CLDN16: variants seen among roughly 807,000 people sequenced by gnomAD.
CLDN16 encodes claudin-16.
Under a neutral mutation model 24.6 loss-of-function variants are expected in CLDN16, and 13 were observed. That is an observed-to-expected ratio of 0.53 (90% CI 0.34 to 0.84). The LOEUF is 0.84. CLDN16 is among the 40% of genes least tolerant of loss of function. The probability of loss-of-function intolerance (pLI) is 0.01; values close to 1 mark genes in which losing one functional copy is unlikely to be tolerated. For missense variants in CLDN16, 298 were observed against 292.7 expected (o/e 1.02, Z -0.13); for synonymous variants, 116 against 106.7 (o/e 1.09, Z -0.54).
At chr3:190,294,372 G>T in the CLDN16 span, among the ~76,000 whole-genome samples, 1 of 152,088 alleles carries the variant, frequency 6.6e-6, no homozygotes, top group Non-Finnish European at 1.5e-5. Context: ...TCATACTTTT[G>T]GTTGAATGAG....
At chr3:190,379,620 A>G (rs1212669048) in intron 3 of CLDN16, among the ~76,000 whole-genome samples, 2 of 152,138 alleles carry the variant, frequency 1.3e-5, no homozygotes, top group African/African-American at 2.4e-5. Flanking sequence ...ATCTACAATG[A>G]TACATTCACT....
the CLDN16 span, chr3:190,307,341 G>T: frequency 6.6e-6 from 1 of 152,138 alleles, no homozygotes; most frequent in Admixed American, 6.5e-5. Flanking sequence ...GTAGTTTAGG[G>T]GGATATAAAA....
At chr3:190,310,288 C>A in the CLDN16 span, 2 of 1,524,828 alleles carry the variant, frequency 1.3e-6, no homozygotes, top group South Asian at 2.2e-5. Flanking sequence ...TGTTAATCAC[C>A]ATGGAACACT....
chr3:190,394,404 T>C (rs1434806916), intron 1 of CLDN16, among the ~76,000 whole-genome samples: 1 of 152,200 alleles, frequency 6.6e-6, no homozygotes, highest in African/African-American at 2.4e-5. Flanking sequence ...GTTGCTCACA[T>C]TAGTATTTAT....
At chr3:190,342,042 C>T (rs2108629953) in intron 1 of CLDN16, among the ~76,000 whole-genome samples, 1 of 152,288 alleles carries the variant, frequency 6.6e-6, no homozygotes, top group African/African-American at 2.4e-5. Flanking sequence ...TTTGGCAAAG[C>T]CATTCAAGAA....
At chr3:190,383,082 A>T (rs1488492011) in intron 3 of CLDN16, among the ~76,000 whole-genome samples, 2 of 152,130 alleles carry the variant, frequency 1.3e-5, no homozygotes. Flanking sequence ...AAAATGAAAC[A>T]AGAGACCTAT....
the CLDN16 span, chr3:190,307,450 A>C: frequency 1.9e-3 from 284 of 152,338 alleles, no homozygotes; most frequent in African/African-American, 6.7e-3. Flanking sequence ...TTTTCAAAGC[A>C]AACAAGAGTG....
At chr3:190,358,223 T>A (rs930192209) in intron 1 of CLDN16, among the ~76,000 whole-genome samples, 6 of 151,946 alleles carry the variant, frequency 3.9e-5, no homozygotes, top group African/African-American at 1.4e-4. Flanking sequence ...TCCCTCAAAT[T>A]TCTGTAAGCC....
intron 4 of CLDN16, among the ~76,000 whole-genome samples, chr3:190,409,381 A>T (rs1719211106): frequency 1.3e-5 from 2 of 151,868 alleles, no homozygotes; most frequent in African/African-American, 4.8e-5. Context: ...TTATACCTTT[A>T]TAATTGTATG....
At chr3:190,380,314 T>A (rs1718344069) in intron 3 of CLDN16, among the ~76,000 whole-genome samples, 1 of 151,586 alleles carries the variant, frequency 6.6e-6, no homozygotes, top group Non-Finnish European at 1.5e-5. Flanking sequence ...TCTAGAGGTA[T>A]CAAATATATA....
At chr3:190,321,243 T>C (rs1016919317), upstream of CLDN16, among the ~76,000 whole-genome samples, 2 of 152,212 alleles carry the variant, frequency 1.3e-5, no homozygotes, top group Admixed American at 6.5e-5. Context: ...GCAGGTTATT[T>C]AGAACCTTTC....
At chr3:190,371,711 T>C (rs1457448271) in intron 2 of CLDN16, among the ~76,000 whole-genome samples, 1 of 151,996 alleles carries the variant, frequency 6.6e-6, no homozygotes, top group Non-Finnish European at 1.5e-5. Context: ...AGGTGATCCA[T>C]AAATATTTGT....
At chr3:190,322,446 C>T (rs558964236), upstream of CLDN16, 37 of 570,614 alleles carry the variant, frequency 6.5e-5, no homozygotes, top group East Asian at 7.3e-4. Flanking sequence ...GGAACTGAGA[C>T]GCAGAACCGC....
chr3:190,316,240 T>C, the CLDN16 span, among the ~76,000 whole-genome samples: 1 of 152,236 alleles, frequency 6.6e-6, no homozygotes, highest in South Asian at 2.1e-4. Flanking sequence ...TTTTTTAAAA[T>C]GTCGTTTTGC....
intron 1 of CLDN16, among the ~76,000 whole-genome samples, chr3:190,362,753 C>T (rs1717926647): frequency 6.6e-6 from 1 of 151,796 alleles, no homozygotes; most frequent in Non-Finnish European, 1.5e-5. Flanking sequence ...ATTTTCAGAC[C>T]ACAGTTGACT....
chr3:190,373,897 C>G (rs995546195), intron 2 of CLDN16, among the ~76,000 whole-genome samples: 6 of 151,272 alleles, frequency 4.0e-5, no homozygotes, highest in African/African-American at 1.5e-4. Context: ...GGCAAGAGAC[C>G]TGAGAGATCC....
upstream of CLDN16, among the ~76,000 whole-genome samples, chr3:190,320,361 G>A (rs1300744292): frequency 6.6e-6 from 1 of 152,084 alleles, no homozygotes; most frequent in East Asian, 1.9e-4. Context: ...CCTTAACGTG[G>A]TACCTAAAAT....
chr3:190,329,234 G>A (rs1472947268), intron 1 of CLDN16, among the ~76,000 whole-genome samples: 1 of 152,154 alleles, frequency 6.6e-6, no homozygotes, highest in East Asian at 1.9e-4. Flanking sequence ...GGACATTGCA[G>A]ATAGAGAGAT....
intron 1 of CLDN16, among the ~76,000 whole-genome samples, chr3:190,359,609 A>G (rs899954732): frequency 6.6e-6 from 1 of 152,054 alleles, no homozygotes; most frequent in Non-Finnish European, 1.5e-5. Flanking sequence ...GAGGATATAC[A>G]ATGCTCAATA....
Sources: allele counts gnomAD v4.1 joint callset (sites outside exome capture counted in the v4.1 genomes callset), GRCh38; gene constraint gnomAD v4.1.1; transcripts MANE v1.5; gene names NCBI Gene and HGNC (gene_info 2026-07-23, HGNC 2026-07-21).